The following CFAP299 variants were observed in gnomAD, a reference collection of about 807,000 sequenced individuals.
CFAP299 encodes the protein cilia and flagella associated protein 299, also known as cilia- and flagella-associated protein 299.
A neutral mutation model predicts 27.0 loss-of-function variants in CFAP299; 21 were observed. The observed-to-expected ratio is 0.78, with a 90% CI of 0.55 to 1.12. The LOEUF (loss-of-function observed/expected upper bound fraction) is 1.12, where lower values mean the gene tolerates loss of function less well. Ranked by LOEUF, CFAP299 falls within the 50% of genes most tolerant of loss-of-function variation. The probability of loss-of-function intolerance (pLI) is 0.00; values close to 1 mark genes in which losing one functional copy is unlikely to be tolerated. For synonymous variants in CFAP299, 104 were observed against 98.1 expected (o/e 1.06, Z -0.36); for missense variants, 310 against 276.6 (o/e 1.12, Z -0.86).
chr4:80,590,071 A>G (rs1237911711), intron 3 of CFAP299, among the ~76,000 whole-genome samples: 2 of 152,174 alleles, frequency 1.3e-5, no homozygotes, highest in African/African-American at 4.8e-5. Context: ...GTTGTTGTCC[A>G]TTCTTACAAT....
upstream of CFAP299, among the ~76,000 whole-genome samples, chr4:80,334,817 G>T (rs528681736): frequency 6.6e-6 from 1 of 152,284 alleles, no homozygotes; most frequent in South Asian, 2.1e-4. Flanking sequence ...TAACTGAAAT[G>T]AAGTATCTTA....
chr4:80,696,468 G>A (rs1721099883), intron 3 of CFAP299, among the ~76,000 whole-genome samples: 1 of 151,726 alleles, frequency 6.6e-6, no homozygotes, highest in African/African-American at 2.4e-5. Context: ...GTGATAGATG[G>A]CAATCAAATA....
intron 2 of CFAP299, among the ~76,000 whole-genome samples, chr4:80,409,547 G>T (rs1726605340): frequency 6.6e-6 from 1 of 152,092 alleles, no homozygotes; most frequent in Non-Finnish European, 1.5e-5. Context: ...TTCTACATAG[G>T]TATCATGAAG....
chr4:80,893,180 G>T (rs1238965630), intron 4 of CFAP299, among the ~76,000 whole-genome samples: 3 of 151,284 alleles, frequency 2.0e-5, no homozygotes, highest in Non-Finnish European at 4.4e-5. Flanking sequence ...TTTAACCAAA[G>T]ATGTGAAAAA....
In CFAP299 at chr4:80,504,503, A is replaced by ATATG. The variant is rs1731912497; in HGVS notation, c.243-78587_243-78586insGTAT. Among the ~76,000 whole-genome samples the ATATG allele has an allele frequency of 1.7e-5, 2 of 119,640 alleles. 1 individual carries two copies. Among genetic ancestry groups the ATATG allele is most frequent in the African/African-American group, 6.4e-5 (2 of 31,078 alleles). 78.5% of individuals were successfully genotyped at this position (119,640 alleles called of 152,430 possible). On this transcript the variant is annotated intron_variant, in intron 2 of 5. Transcript: ENST00000358105. Reference sequence around the variant, plus strand: ...TATATATATATATATATATATATATATATTTTCCTTTGAAAGAATGCAATG... The same window carrying ATATG: ...TATATATATATATATATATATATATATATGTATTTTCCTTTGAAAGAATGCAATG...
intron 2 of CFAP299, among the ~76,000 whole-genome samples, chr4:80,364,457 G>C (rs1440950499): frequency 6.6e-6 from 1 of 152,052 alleles, no homozygotes; most frequent in Non-Finnish European, 1.5e-5. Flanking sequence ...GTTCTTTCCT[G>C]ACTCTGGTCC....
Position 80,944,810 on chromosome 4 carries a change from C to T in CFAP299, c.477C>T (p.Ser159=). 6.3e-7 allele frequency: 1 copy of T among 1,590,530 alleles called. No individual in the cohort carries two copies. Among genetic ancestry groups the T allele is most frequent in the Non-Finnish European group, 8.6e-7 (1 of 1,166,492 alleles). Residue 159 remains serine (S), a splice_region_variant and synonymous_variant, in exon 5 of 6, where the codon AGC becomes AGT. Coordinates refer to ENST00000358105, the MANE Select transcript of CFAP299 (RefSeq NM_152770.3). ...TCCTAATAAATGTTTATTTTTATAG[C>T]TTTTACAACTGGGACGCTGATATTG... The part of the protein sequence containing the change: ...KRLLPRPTDI[S]FYNWDADIAV...
chr4:80,731,581 T>C (rs1273149186), intron 3 of CFAP299, among the ~76,000 whole-genome samples: 1 of 152,204 alleles, frequency 6.6e-6, no homozygotes, highest in Non-Finnish European at 1.5e-5. Context: ...CTGTTACCAG[T>C]GCAACTCCAT....
intron 3 of CFAP299, among the ~76,000 whole-genome samples, chr4:80,850,053 A>G (rs533283880): frequency 1.3e-5 from 2 of 152,282 alleles, no homozygotes; most frequent in South Asian, 4.1e-4. Flanking sequence ...AAAAAAGTCA[A>G]AACAACCCAA....
intron 3 of CFAP299, among the ~76,000 whole-genome samples, chr4:80,784,020 C>T (rs1224564892): frequency 6.6e-6 from 1 of 151,976 alleles, no homozygotes; most frequent in African/African-American, 2.4e-5. Flanking sequence ...GCTTATTTCA[C>T]TTTGCATAAA....
At chr4:80,685,291 G>T (rs1720110055) in intron 3 of CFAP299, among the ~76,000 whole-genome samples, 1 of 152,056 alleles carries the variant, frequency 6.6e-6, no homozygotes. Context: ...TCTCAGGTTT[G>T]CTTTGAGATC....
intron 3 of CFAP299, among the ~76,000 whole-genome samples, chr4:80,760,524 A>G (rs1725490733): frequency 6.6e-6 from 1 of 152,246 alleles, no homozygotes; most frequent in African/African-American, 2.4e-5. Flanking sequence ...TGAGATCCTG[A>G]GAAACATAGT....
At chr4:80,540,967 A>G (rs749804514) in intron 2 of CFAP299, among the ~76,000 whole-genome samples, 6 of 152,130 alleles carry the variant, frequency 3.9e-5, no homozygotes, top group Non-Finnish European at 7.4e-5. Flanking sequence ...GCCTCTAACC[A>G]CAAAGAAGGA....
intron 3 of CFAP299, among the ~76,000 whole-genome samples, chr4:80,770,482 T>G (rs1190235068): frequency 6.6e-6 from 1 of 152,188 alleles, no homozygotes; most frequent in Admixed American, 6.6e-5. Flanking sequence ...CATTCTGCCA[T>G]TACATAACAG....
chr4:80,385,354 A>G (rs953925198), intron 2 of CFAP299, among the ~76,000 whole-genome samples: 4 of 152,076 alleles, frequency 2.6e-5, no homozygotes, highest in African/African-American at 7.2e-5. Context: ...TATTGTTTTC[A>G]TACATTTATT....
intron 2 of CFAP299, among the ~76,000 whole-genome samples, chr4:80,521,148 A>T (rs1192766634): frequency 6.6e-6 from 1 of 152,178 alleles, no homozygotes; most frequent in Non-Finnish European, 1.5e-5. Flanking sequence ...TCGAAATTGG[A>T]ATGATGGAGA....
At chr4:80,816,303 T>C (rs1729418783) in intron 3 of CFAP299, among the ~76,000 whole-genome samples, 1 of 152,018 alleles carries the variant, frequency 6.6e-6, no homozygotes, top group Admixed American at 6.6e-5. Flanking sequence ...TAAAATAAAA[T>C]GTAAAATCTA....
chr4:80,906,082 A>G (rs768699412), intron 4 of CFAP299, among the ~76,000 whole-genome samples: 6 of 152,238 alleles, frequency 3.9e-5, no homozygotes, highest in Admixed American at 2.6e-4. Context: ...AAAGCAAGTT[A>G]GTTACTTCCT....
In CFAP299 at chr4:80,876,570, A is replaced by G. The variant is rs185255045; in HGVS notation, c.476+6435A>G. 3.8e-3 allele frequency among the ~76,000 whole-genome samples: 577 copies of G among 152,268 alleles called. 1 individual carries two copies. Among genetic ancestry groups the G allele is most frequent in the Middle Eastern group, 0.017 (5 of 294 alleles). ...GGTGTTTCCTTATAGCAATATAATA[A>G]TGGACTAATACAAGACCTTTTTCAC... On this transcript the variant is annotated intron_variant, in intron 4 of 5. Coordinates refer to ENST00000358105, the MANE Select transcript of CFAP299 (RefSeq NM_152770.3).
Sources: allele counts gnomAD v4.1 joint callset (sites outside exome capture counted in the v4.1 genomes callset), GRCh38; gene constraint gnomAD v4.1.1; transcripts MANE v1.5; gene names NCBI Gene and HGNC (gene_info 2026-07-23, HGNC 2026-07-21).